GMEB1: variants seen among roughly 807,000 people sequenced by gnomAD.
GMEB1 encodes the protein glucocorticoid modulatory element-binding protein 1.
A neutral mutation model predicts 52.4 loss-of-function variants in GMEB1; 6 were observed. That is an observed-to-expected ratio of 0.11 (90% CI 0.06 to 0.23). The LOEUF (loss-of-function observed/expected upper bound fraction) is 0.23. GMEB1 is among the 10% of genes least tolerant of loss of function. GMEB1 has a pLI of 1.00. For synonymous variants in GMEB1, 255 were observed against 244.9 expected (o/e 1.04, Z -0.38); for missense variants, 486 against 685.6 (o/e 0.71, Z 3.25).
chr1:28,701,458 C>T (rs1387366600), intron 6 of GMEB1, among the ~76,000 whole-genome samples: 4 of 151,868 alleles, frequency 2.6e-5, no homozygotes, highest in East Asian at 1.9e-4. Flanking sequence ...TTTATAGAGA[C>T]GGGGTTTCAC....
intron 2 of GMEB1, among the ~76,000 whole-genome samples, chr1:28,686,375 A>G (rs1669640326): frequency 6.6e-6 from 1 of 152,048 alleles, no homozygotes; most frequent in African/African-American, 2.4e-5. Flanking sequence ...ATGGTAGCTC[A>G]CACCTGTAAT....
chr1:28,670,899 G>T (rs560479353), intron 1 of GMEB1, among the ~76,000 whole-genome samples: 5 of 152,152 alleles, frequency 3.3e-5, no homozygotes, highest in African/African-American at 1.2e-4. Flanking sequence ...ACATTGTATA[G>T]GTAGCTTCTA....
intron 6 of GMEB1, among the ~76,000 whole-genome samples, chr1:28,698,166 C>A (rs895112793): frequency 6.7e-6 from 1 of 150,310 alleles, no homozygotes; most frequent in African/African-American, 2.5e-5. Flanking sequence ...GTCAAGAGAT[C>A]GAGACCATCC....
At chr1:28,673,114 G>A (rs892045604) in intron 1 of GMEB1, among the ~76,000 whole-genome samples, 1 of 152,044 alleles carries the variant, frequency 6.6e-6, no homozygotes, top group East Asian at 1.9e-4. Flanking sequence ...AGCTGGTCTT[G>A]AACTCCCCAC....
At chr1:28,691,767 G>C (rs978369274) in intron 4 of GMEB1, 58 bp downstream of exon 4, 33 of 844,552 alleles carry the variant, frequency 3.9e-5, no homozygotes, top group Non-Finnish European at 5.6e-5. Context: ...CAAAGGGTGT[G>C]AGTTCCATGC....
chr1:28,673,602 T>C (rs150001556), intron 1 of GMEB1, among the ~76,000 whole-genome samples: 18 of 152,294 alleles, frequency 1.2e-4, no homozygotes, highest in Admixed American at 2.0e-4. Context: ...ATTATAGACA[T>C]TGGATTTTCA....
intron 1 of GMEB1, among the ~76,000 whole-genome samples, chr1:28,679,563 A>G (rs528947356): frequency 1.3e-5 from 2 of 152,186 alleles, no homozygotes; most frequent in South Asian, 2.1e-4. Flanking sequence ...TGCATATCCA[A>G]TAGTGTCATG....
chr1:28,681,088 C>T (rs762799279), intron 1 of GMEB1, among the ~76,000 whole-genome samples: 5 of 152,014 alleles, frequency 3.3e-5, no homozygotes, highest in Admixed American at 6.6e-5. Context: ...TTTTCCAGGA[C>T]GTACAGACTG....
At chr1:28,705,720 G>C (rs1443756689) in intron 8 of GMEB1, among the ~76,000 whole-genome samples, 1 of 150,792 alleles carries the variant, frequency 6.6e-6, no homozygotes, top group African/African-American at 2.4e-5. Context: ...CAAAGTGCTG[G>C]GATTATAGGC....
At position 28,692,944 on chromosome 1, in the gene GMEB1, C is replaced by G; in HGVS notation, c.339C>G (p.Phe113Leu). 6.3e-7 allele frequency: 1 copy of G among 1,577,308 alleles called. No individual in the cohort carries two copies. Among genetic ancestry groups the G allele is most frequent in the Non-Finnish European group, 8.7e-7 (1 of 1,155,826 alleles). ...TGGACTTTTCTTTTTACTTTTAGTT[C>G]AATGATCAGTTGATCAGCCCCAAGC... The part of the protein sequence containing the change: ...CPGINVKCVK[F>L]NDQLISPKHF... The change falls in exon 5 of 10, where the codon TTC becomes TTG. Residue 113 changes from phenylalanine to leucine, a missense_variant and splice_region_variant. Transcript: ENST00000373816.
chr1:28,691,770 T>C, intron 4 of GMEB1, 61 bp downstream of exon 4: 1 of 755,826 alleles, frequency 1.3e-6, no homozygotes, highest in Non-Finnish European at 2.0e-6. Context: ...AGGGTGTGAG[T>C]TCCATGCATC....
intron 9 of GMEB1, among the ~76,000 whole-genome samples, chr1:28,712,255 A>G (rs1319353816): frequency 1.3e-5 from 2 of 151,996 alleles, no homozygotes; most frequent in South Asian, 2.1e-4. Flanking sequence ...ACTTCCATGC[A>G]CTCTGTAGTC....
chr1:28,675,175 G>A (rs1053898976), intron 1 of GMEB1, among the ~76,000 whole-genome samples: 1 of 151,254 alleles, frequency 6.6e-6, no homozygotes, highest in Non-Finnish European at 1.5e-5. Flanking sequence ...GCGCTACCAC[G>A]CTGAGCTAAT....
In GMEB1 at chr1:28,718,414, A is replaced by G. The variant is rs1256015383; in HGVS notation, c.*3641A>G. The G allele has an allele frequency of 1.1e-4, 16 of 152,208 alleles. 1 individual carries two copies. Among genetic ancestry groups the G allele is most frequent in the Admixed American group, 1.0e-3 (16 of 15,282 alleles). The allele number at this position is 152,208 out of a possible 1,614,324, so 9.4% of individuals were successfully genotyped here. A position where few individuals can be genotyped will look rare whatever the true frequency, so the allele number is the denominator to read the frequency against. On this transcript the variant is annotated 3_prime_UTR_variant, in exon 10 of 10. Transcript: ENST00000373816. ...AGAGTTTAAGACTAGCCTGGTCAACATAGCCAGACCCCATCTCTATAAAAA... is the reference window on the plus strand; with the variant it reads ...AGAGTTTAAGACTAGCCTGGTCAACGTAGCCAGACCCCATCTCTATAAAAA...
chr1:28,670,771 C>A (rs541986616), intron 1 of GMEB1, among the ~76,000 whole-genome samples: 1 of 152,212 alleles, frequency 6.6e-6, no homozygotes, highest in Admixed American at 6.5e-5. Flanking sequence ...CTGCGCCCGG[C>A]GGGGGAAACT....
intron 8 of GMEB1, among the ~76,000 whole-genome samples, chr1:28,707,749 T>C (rs1214727729): frequency 6.6e-6 from 1 of 152,118 alleles, no homozygotes; most frequent in Non-Finnish European, 1.5e-5. Flanking sequence ...GAATGTGGAA[T>C]ACAGGAAAGA....
intron 1 of GMEB1, among the ~76,000 whole-genome samples, chr1:28,672,137 T>G (rs1440319804): frequency 1.3e-5 from 2 of 151,520 alleles, no homozygotes; most frequent in African/African-American, 4.8e-5. Context: ...ATAAATATTT[T>G]GGGGTTAGAA....
chr1:28,687,371 C>CAAAAAAAAA lies in GMEB1; in HGVS notation c.129-2732_129-2731insAAAAAAAAA. Reference sequence around the variant, plus strand: ...ACACACACACACACACACACACACACACACACACACACACACAAAAAAAGA... The same window carrying CAAAAAAAAA: ...ACACACACACACACACACACACACACAAAAAAAAAACACACACACACACACAAAAAAAGA... On this transcript the variant is annotated intron_variant, in intron 2 of 9. Transcript: ENST00000373816. 2.7e-4 allele frequency among the ~76,000 whole-genome samples: 9 copies of CAAAAAAAAA among 33,532 alleles called. 2 individuals carry two copies. Among genetic ancestry groups the CAAAAAAAAA allele is most frequent in the African/African-American group, 1.5e-3 (8 of 5,304 alleles). The allele number at this position is 33,532 out of a possible 152,430, so 22.0% of individuals were successfully genotyped here.
Position 28,693,047 on chromosome 1 carries a change from TA to T in GMEB1, c.440+4del. On this transcript the variant is annotated splice_donor_region_variant and intron_variant, in intron 5 of 9. Transcript: ENST00000373816. ...TCGTCTGGGTGGGATCATGCTCAGG[TA>T]AGCTCTAATGTCAAGCACATACCTT... 1 of 1,540,536 alleles carries T rather than the reference TA, an allele frequency of 6.5e-7. No homozygotes were observed. The highest frequency in any genetic ancestry group is 8.9e-7 in the Non-Finnish European group (1 of 1,120,092).
Sources: gnomAD v4.1 joint callset for allele counts (sites outside exome capture counted in the v4.1 genomes callset) on GRCh38, gnomAD v4.1.1 for gene constraint, MANE v1.5 for transcripts, NCBI Gene and HGNC (gene_info 2026-07-23, HGNC 2026-07-21) for gene names.